RSL24D1: variants seen among roughly 807,000 people sequenced by gnomAD.
RSL24D1 encodes ribosomal L24 domain containing 1, also known as probable ribosome biogenesis protein RLP24.
RSL24D1 carries 6 observed loss-of-function variants against 26.2 expected under a neutral mutation model. That is an observed-to-expected ratio of 0.23 (90% CI 0.13 to 0.45). RSL24D1 has a LOEUF of 0.45. Among genes scored for constraint, RSL24D1 ranks in the 20% least tolerant of loss-of-function variants. The probability of loss-of-function intolerance (pLI) is 0.99; values close to 1 mark genes in which losing one functional copy is unlikely to be tolerated. For synonymous variants in RSL24D1, 61 were observed against 59.1 expected (o/e 1.03, Z -0.15); for missense variants, 176 against 202.6 (o/e 0.87, Z 0.80).
chr15:55,196,784 G>GC (rs111412468), intron 1 of RSL24D1, 26 bp downstream of exon 1: 42,515 of 1,612,708 alleles, frequency 0.026, 948 homozygotes, highest in African/African-American at 0.12. Context: ...CTAGGCTGAA[G>GC]CAAGAACTGG....
At chr15:55,196,643 C>T in intron 1 of RSL24D1, 167 bp downstream of exon 1, 1 of 641,676 alleles carries the variant, frequency 1.6e-6, no homozygotes, top group Non-Finnish European at 2.7e-6. Flanking sequence ...GAGAAACCCC[C>T]GAAGCGGAAC....
At chr15:55,189,117 C>T (rs1294945468) in intron 3 of RSL24D1, among the ~76,000 whole-genome samples, 2 of 148,838 alleles carry the variant, frequency 1.3e-5, no homozygotes, top group Admixed American at 6.8e-5. Flanking sequence ...TGCTTGAACC[C>T]GGGAGGCGGA....
intron 1 of RSL24D1, among the ~76,000 whole-genome samples, chr15:55,193,208 TCTC>T (rs1894317930): frequency 6.6e-6 from 1 of 152,194 alleles, no homozygotes; most frequent in Non-Finnish European, 1.5e-5. Context: ...CATTCTGAAA[TCTC>T]CTTTGGGTCT....
intron 4 of RSL24D1, among the ~76,000 whole-genome samples, chr15:55,183,905 A>G (rs1388555449): frequency 1.3e-5 from 2 of 152,182 alleles, no homozygotes; most frequent in Non-Finnish European, 1.5e-5. Context: ...GTGAGTCATG[A>G]AAAGAAGCAG....
rs750630362 is a variant in RSL24D1 at position 55,182,200 on chromosome 15, TTTCTCTTCC to T, written c.435_443del (p.Glu146_Lys148del). 1 of 1,607,790 alleles carries T rather than the reference TTTCTCTTCC, an allele frequency of 6.2e-7. No homozygotes were observed. The highest frequency in any genetic ancestry group is 1.3e-5 in the African/African-American group (1 of 74,898). ...CATCCTCTTGTAACTGCTGTACCAT[TTTCTCTTCC>T]AACTGTTTCCCTTTGCCTTTAATAA... On this transcript the variant is annotated inframe_deletion, in exon 6 of 6. Transcript: ENST00000260443.
intron 4 of RSL24D1, among the ~76,000 whole-genome samples, chr15:55,184,651 G>A (rs577806338): frequency 1.4e-4 from 22 of 152,172 alleles, no homozygotes; most frequent in East Asian, 9.6e-4. Context: ...CCCAAAATAC[G>A]TACTGATTAT....
At chr15:55,186,276 A>G (rs1024854197) in intron 3 of RSL24D1, among the ~76,000 whole-genome samples, 26 of 152,180 alleles carry the variant, frequency 1.7e-4, no homozygotes, top group Admixed American at 4.6e-4. Flanking sequence ...TAGTCTGTAG[A>G]TCTAAAGAAT....
intron 3 of RSL24D1, among the ~76,000 whole-genome samples, chr15:55,187,076 GA>G (rs1894232590): frequency 6.6e-6 from 1 of 152,118 alleles, no homozygotes; most frequent in Admixed American, 6.6e-5. Context: ...CATCATTTGG[GA>G]GCTTGTTAGA....
intron 5 of RSL24D1, among the ~76,000 whole-genome samples, 174 bp from the exon 6 acceptor site, chr15:55,182,399 C>T (rs1894178334): frequency 6.6e-6 from 1 of 152,130 alleles, no homozygotes; most frequent in African/African-American, 2.4e-5. Flanking sequence ...ATCAAATAAA[C>T]ATTCTACATA....
rs1894171030 is a variant in RSL24D1 at position 55,181,910 on chromosome 15, C to T, written c.*242G>A. On this transcript the variant is annotated 3_prime_UTR_variant, in exon 6 of 6. Transcript: ENST00000260443. ...ACAACCATTTTACGTCCACAATTCA[C>T]TTCTATAGTTACAAGTAGAATTTTC... The T allele has an allele frequency of 2.4e-6, 1 of 417,350 alleles. No individual in the cohort carries two copies. The highest frequency in any genetic ancestry group is 4.5e-5 in the South Asian group (1 of 22,362). The allele number at this position is 417,350 out of a possible 1,614,324, so 25.9% of individuals were successfully genotyped here. A position where few individuals can be genotyped will look rare whatever the true frequency, so the allele number is the denominator to read the frequency against.
chr15:55,183,784 C>T (rs1057450512), intron 4 of RSL24D1, among the ~76,000 whole-genome samples: 8 of 152,124 alleles, frequency 5.3e-5, no homozygotes, highest in African/African-American at 1.4e-4. Flanking sequence ...TCGTAATTAG[C>T]TCAAAATAGG....
chr15:55,190,831 C>A, intron 3 of RSL24D1, 144 bp downstream of exon 3: 2 of 627,472 alleles, frequency 3.2e-6, no homozygotes, highest in Non-Finnish European at 5.5e-6. Context: ...TACAACAGAA[C>A]CATTAAAATG....
chr15:55,185,379 A>G lies in RSL24D1; in HGVS notation c.315T>C (p.Ala105=). ...ATTCATACCTGTTCATTATAAATTT[A>G]GCTTGGCGCTTCTGTTTGATTTCTT... ...RVEEIKQKRQ[A]KFIMNRLKKN... Residue 105 remains alanine (A), a synonymous_variant, in exon 4 of 6, where the codon GCT becomes GCC. Transcript: ENST00000260443. 2 of 1,608,292 alleles carry G rather than the reference A, an allele frequency of 1.2e-6. No individual in the cohort carries two copies. The highest frequency in any genetic ancestry group is 1.7e-6 in the Non-Finnish European group (2 of 1,177,992).
intron 5 of RSL24D1, among the ~76,000 whole-genome samples, chr15:55,183,098 G>A (rs1299175363): frequency 6.6e-6 from 1 of 152,028 alleles, no homozygotes; most frequent in African/African-American, 2.4e-5. Context: ...TAACTTGGGG[G>A]GATATGGAAC....
intron 5 of RSL24D1, among the ~76,000 whole-genome samples, chr15:55,182,435 TAAC>T (rs1427199377): frequency 5.3e-5 from 8 of 152,268 alleles, no homozygotes; most frequent in East Asian, 3.9e-4. Flanking sequence ...TTCACCCTCA[TAAC>T]AACCCCCATT....
intron 2 of RSL24D1, among the ~76,000 whole-genome samples, chr15:55,191,570 G>C (rs1350438668): frequency 6.6e-6 from 1 of 152,030 alleles, no homozygotes; most frequent in Non-Finnish European, 1.5e-5. Flanking sequence ...AAATAAATGA[G>C]GTGCTACTCT....
At chr15:55,196,629 C>A in intron 1 of RSL24D1, 181 bp downstream of exon 1, 1 of 621,918 alleles carries the variant, frequency 1.6e-6, no homozygotes. Context: ...GGAAGACGGG[C>A]AAGGAGAAAC....
At chr15:55,189,596 T>C (rs974805561) in intron 3 of RSL24D1, among the ~76,000 whole-genome samples, 1 of 151,864 alleles carries the variant, frequency 6.6e-6, no homozygotes, top group Non-Finnish European at 1.5e-5. Context: ...CATAAAGAGA[T>C]TTTTTTTGCA....
At chr15:55,189,918 T>G (rs1051078966) in intron 3 of RSL24D1, among the ~76,000 whole-genome samples, 1 of 152,146 alleles carries the variant, frequency 6.6e-6, no homozygotes, top group Non-Finnish European at 1.5e-5. Context: ...TAGAAATAGC[T>G]ACAGGCTGCA....
Sources: gnomAD v4.1 joint callset for allele counts (sites outside exome capture counted in the v4.1 genomes callset) on GRCh38, gnomAD v4.1.1 for gene constraint, MANE v1.5 for transcripts, NCBI Gene and HGNC (gene_info 2026-07-23, HGNC 2026-07-21) for gene names.